The following ROR2 variants were observed in gnomAD, a reference collection of about 807,000 sequenced individuals.
ROR2 encodes tyrosine-protein kinase transmembrane receptor ROR2.
ROR2 carries 33 observed loss-of-function variants against 74.9 expected under a neutral mutation model. That is an observed-to-expected ratio of 0.44 (90% confidence interval 0.33 to 0.59). The LOEUF (loss-of-function observed/expected upper bound fraction) is 0.59. Among genes scored for constraint, ROR2 ranks in the 20% least tolerant of loss-of-function variants. The pLI, the probability that ROR2 is intolerant of heterozygous loss-of-function variation, is 0.02. For synonymous variants in ROR2, 586 were observed against 558.7 expected (o/e 1.05, Z -0.69); for missense variants, 1,216 against 1,313.8 (o/e 0.93, Z 1.15).
At chr9:91,921,734 A>G (rs1376450880) in intron 1 of ROR2, among the ~76,000 whole-genome samples, 1 of 151,944 alleles carries the variant, frequency 6.6e-6, no homozygotes, top group Non-Finnish European at 1.5e-5. Flanking sequence ...GTGGCGGCGC[A>G]CGCCTGTAGT....
At chr9:91,736,729 A>AT (rs1050440926) in intron 5 of ROR2, among the ~76,000 whole-genome samples, 38 of 152,186 alleles carry the variant, frequency 2.5e-4, no homozygotes, top group African/African-American at 8.9e-4. Flanking sequence ...TTCGAGTTGT[A>AT]TGCTGGGAAC....
chr9:91,922,054 C>T (rs1326369320), intron 1 of ROR2, among the ~76,000 whole-genome samples: 1 of 151,872 alleles, frequency 6.6e-6, no homozygotes, highest in Non-Finnish European at 1.5e-5. Flanking sequence ...GACCACTCCA[C>T]AGCCATTAGG....
chr9:91,726,784 C>A, intron 7 of ROR2, 41 bp from the exon 8 acceptor site: 1 of 1,593,386 alleles, frequency 6.3e-7, no homozygotes, highest in South Asian at 1.1e-5. Flanking sequence ...AGAAAACATC[C>A]CTTTTCTACT....
chr9:91,939,878 G>T (rs945915097), intron 1 of ROR2, among the ~76,000 whole-genome samples: 1 of 152,158 alleles, frequency 6.6e-6, no homozygotes, highest in Non-Finnish European at 1.5e-5. Flanking sequence ...CCAAAAGAGG[G>T]CTCCAGAATA....
At chr9:91,934,160 T>C (rs544812679) in intron 1 of ROR2, among the ~76,000 whole-genome samples, 1 of 152,276 alleles carries the variant, frequency 6.6e-6, no homozygotes, top group Admixed American at 6.5e-5. Context: ...ATCACACCCT[T>C]CTCAGTTTTG....
At chr9:91,919,150 T>A (rs1831208796) in intron 1 of ROR2, among the ~76,000 whole-genome samples, 1 of 152,206 alleles carries the variant, frequency 6.6e-6, no homozygotes, top group South Asian at 2.1e-4. Flanking sequence ...ATATACTACT[T>A]CCTCATACTG....
At chr9:91,794,418 G>C (rs566835055) in intron 1 of ROR2, among the ~76,000 whole-genome samples, 1 of 152,194 alleles carries the variant, frequency 6.6e-6, no homozygotes, top group South Asian at 2.1e-4. Flanking sequence ...GTAAAGCAAG[G>C]TGAGAACCAC....
chr9:91,914,667 G>A (rs971954317), intron 1 of ROR2, among the ~76,000 whole-genome samples: 9 of 152,068 alleles, frequency 5.9e-5, no homozygotes, highest in African/African-American at 9.7e-5. Context: ...AGGAAGCCCC[G>A]CCCCCCTTAC....
intron 1 of ROR2, among the ~76,000 whole-genome samples, chr9:91,906,917 C>A (rs868444137): frequency 6.6e-6 from 1 of 152,110 alleles, no homozygotes; most frequent in Middle Eastern, 3.2e-3. Context: ...TAAAAGTTGC[C>A]ATCTTCGCCA....
At chr9:91,904,480 C>A (rs958170739) in intron 1 of ROR2, among the ~76,000 whole-genome samples, 6 of 152,238 alleles carry the variant, frequency 3.9e-5, no homozygotes, top group South Asian at 2.1e-4. Context: ...TGCGCCACGA[C>A]CAACAGGCCA....
chr9:91,899,336 C>T (rs776063879), intron 1 of ROR2, among the ~76,000 whole-genome samples: 3 of 152,192 alleles, frequency 2.0e-5, no homozygotes, highest in Non-Finnish European at 4.4e-5. Flanking sequence ...TGGGGAGCAG[C>T]AGACAGAGCA....
chr9:91,864,407 A>G (rs1170799287), intron 1 of ROR2, among the ~76,000 whole-genome samples: 1 of 152,206 alleles, frequency 6.6e-6, no homozygotes, highest in East Asian at 1.9e-4. Flanking sequence ...AACACGAGCC[A>G]TGGACAGAGA....
chr9:91,906,770 A>G (rs1331963347), intron 1 of ROR2, among the ~76,000 whole-genome samples: 5 of 152,188 alleles, frequency 3.3e-5, no homozygotes, highest in African/African-American at 1.2e-4. Context: ...AACCTGCTAC[A>G]TAGTTCTGCA....
rs1407212119 is a variant in ROR2 at position 91,833,284 on chromosome 9, T to C, written c.98-57466A>G. On this transcript the variant is annotated intron_variant, in intron 1 of 8. Transcript: ENST00000375708. ...TGCTCCCGACGCATCCACGCTGGGC[T>C]CCAGCGTCCTGCTCTGCACTTCTGC... Among the ~76,000 whole-genome samples the C allele has an allele frequency of 2.0e-5, 3 of 152,086 alleles. No homozygotes were observed. In the East Asian group the frequency reaches 5.8e-4, roughly 29 times the overall value.
At chr9:91,777,896 C>G (rs1175805735) in intron 1 of ROR2, among the ~76,000 whole-genome samples, 3 of 152,134 alleles carry the variant, frequency 2.0e-5, no homozygotes, top group Non-Finnish European at 4.4e-5. Context: ...CATGCTGTAC[C>G]ACGGGATTAG....
chr9:91,909,839 T>TTA (rs1564032199), intron 1 of ROR2, among the ~76,000 whole-genome samples: 25 of 82,622 alleles, frequency 3.0e-4, no homozygotes, highest in African/African-American at 1.4e-3. Flanking sequence ...TTTTTTTAGG[T>TTA]TTGTTTTGTT....
At chr9:91,942,341 G>A (rs1448500924) in intron 1 of ROR2, among the ~76,000 whole-genome samples, 2 of 152,190 alleles carry the variant, frequency 1.3e-5, no homozygotes, top group Non-Finnish European at 2.9e-5. Context: ...AATCTCGCCA[G>A]TCTACAGTTA....
At chr9:91,810,221 G>C (rs1587740580) in intron 1 of ROR2, among the ~76,000 whole-genome samples, 1 of 152,294 alleles carries the variant, frequency 6.6e-6, no homozygotes, top group East Asian at 1.9e-4. Flanking sequence ...AGTTCACCAG[G>C]GCTTGGCATC....
chr9:91,746,725 G>A (rs1186620876), intron 4 of ROR2, among the ~76,000 whole-genome samples: 2 of 152,234 alleles, frequency 1.3e-5, no homozygotes, highest in South Asian at 2.1e-4. Context: ...AACGGCTGAA[G>A]TCTTGGAATT....
Sources: allele counts gnomAD v4.1 joint callset (sites outside exome capture counted in the v4.1 genomes callset), GRCh38; gene constraint gnomAD v4.1.1; transcripts MANE v1.5; gene names NCBI Gene and HGNC (gene_info 2026-07-23, HGNC 2026-07-21).